Variants in NLGN4X observed in about 807,000 individuals in gnomAD.
NLGN4X encodes neuroligin-4, X-linked.
A neutral mutation model predicts 40.3 loss-of-function variants in NLGN4X; 3 were observed. That is an observed-to-expected ratio of 0.07 (90% CI 0.03 to 0.19). NLGN4X has a LOEUF of 0.19. Among genes scored for constraint, NLGN4X ranks in the 10% least tolerant of loss-of-function variants. The pLI is 1.00. For missense variants in NLGN4X, 382 were observed against 708.3 expected (o/e 0.54, Z 5.23); for synonymous variants, 270 against 306.8 (o/e 0.88, Z 1.25).
intron 1 of NLGN4X, among the ~76,000 whole-genome samples, chrX:6,198,533 T>A (rs1423153359): frequency 8.9e-6 from 1 of 111,809 alleles, no homozygotes; most frequent in Non-Finnish European, 1.9e-5. Flanking sequence ...ATCCTAAAGA[T>A]GAACGCCACC....
chrX:5,954,646 C>G (rs915645037), intron 3 of NLGN4X, among the ~76,000 whole-genome samples: 1 of 108,465 alleles, frequency 9.2e-6, no homozygotes, highest in African/African-American at 3.4e-5. Flanking sequence ...CTCTCTCTCT[C>G]TCTCTCTCTC....
At chrX:5,998,647 G>A (rs2035895392) in intron 3 of NLGN4X, among the ~76,000 whole-genome samples, 2 of 111,578 alleles carry the variant, frequency 1.8e-5, no homozygotes, top group African/African-American at 6.5e-5. Context: ...TACAACCAAG[G>A]CATAGTAGAT....
intron 2 of NLGN4X, among the ~76,000 whole-genome samples, chrX:6,082,954 TTC>T (rs1272686957): frequency 0.095 from 6,005 of 63,108 alleles, 763 homozygotes; most frequent in Non-Finnish European, 0.14. Flanking sequence ...ATGCGTTTTT[TTC>T]TTTTTTTTTT....
intron 2 of NLGN4X, among the ~76,000 whole-genome samples, chrX:6,093,748 A>C (rs2038694923): frequency 1.8e-5 from 2 of 111,846 alleles, no homozygotes; most frequent in Admixed American, 1.9e-4. Flanking sequence ...TAAAAAAGAA[A>C]CAAGCATATT....
In NLGN4X at chrX:6,201,084, G is replaced by A. The variant is rs182446918; in HGVS notation, c.-306+27457C>T. Among the ~76,000 whole-genome samples the A allele has an allele frequency of 9.0e-5, 10 of 111,390 alleles. No individual in the cohort carries two copies. In the East Asian group the frequency reaches 1.7e-3, roughly 19 times the overall value. On this transcript the variant is annotated intron_variant, in intron 1 of 5. Coordinates refer to ENST00000381095, the MANE Select transcript of NLGN4X (RefSeq NM_181332.3). ...AGCTGAGGAAACTGAGACACAAGACGTCAACTACTGAAATTCACACTCAAG... is the reference window on the plus strand; with the variant it reads ...AGCTGAGGAAACTGAGACACAAGACATCAACTACTGAAATTCACACTCAAG...
At chrX:6,090,732 C>G (rs1031235141) in intron 2 of NLGN4X, among the ~76,000 whole-genome samples, 8 of 111,291 alleles carry the variant, frequency 7.2e-5, no homozygotes, top group African/African-American at 2.6e-4. Flanking sequence ...TGGTTCACAA[C>G]CAGGGGTGGT....
intron 2 of NLGN4X, among the ~76,000 whole-genome samples, chrX:6,134,998 G>A (rs751175750): frequency 8.9e-6 from 1 of 112,842 alleles, no homozygotes; most frequent in Non-Finnish European, 1.9e-5. Flanking sequence ...ATGTTCACCA[G>A]ATCAGCTCCC....
intron 1 of NLGN4X, among the ~76,000 whole-genome samples, chrX:6,187,322 C>CAAA (rs74706267): frequency 1.5e-5 from 1 of 64,877 alleles, no homozygotes; most frequent in Admixed American, 1.9e-4. Context: ...ACTAAAAATA[C>CAAA]AAAAAAAAAA....
intron 2 of NLGN4X, among the ~76,000 whole-genome samples, chrX:6,081,802 C>T (rs895851835): frequency 8.9e-6 from 1 of 111,966 alleles, no homozygotes; most frequent in African/African-American, 3.2e-5. Context: ...ACAGTAAGCC[C>T]AAGAGGAATA....
intron 1 of NLGN4X, chrX:6,226,857 G>C (rs1448880368): frequency 3.3e-5 from 4 of 121,982 alleles, no homozygotes; most frequent in Admixed American, 1.8e-4. Flanking sequence ...GCAGCCGAGC[G>C]GCACCTACCT....
At chrX:6,197,024 C>T (rs2147846606) in intron 1 of NLGN4X, among the ~76,000 whole-genome samples, 1 of 111,936 alleles carries the variant, frequency 8.9e-6, no homozygotes, top group Non-Finnish European at 1.9e-5. Context: ...ATCACTATTT[C>T]ATGTTTCCCC....
chrX:6,207,222 A>G (rs1924117457), intron 1 of NLGN4X, among the ~76,000 whole-genome samples: 2 of 112,450 alleles, frequency 1.8e-5, no homozygotes, highest in Admixed American at 1.9e-4. Flanking sequence ...GTCAGAATAT[A>G]TTCTCTCTGC....
At chrX:6,125,302 G>A (rs2039516226) in intron 2 of NLGN4X, among the ~76,000 whole-genome samples, 1 of 112,033 alleles carries the variant, frequency 8.9e-6, no homozygotes. Context: ...GCAGAAATTA[G>A]CGAAACAGAG....
At chrX:6,185,849 G>A (rs180694853) in intron 1 of NLGN4X, among the ~76,000 whole-genome samples, 3,223 of 111,349 alleles carry the variant, frequency 0.029, 123 homozygotes, top group African/African-American at 0.098. Context: ...GACCACCAAT[G>A]AAAACCCACA....
At chrX:5,923,375 A>G (rs777690660) in intron 3 of NLGN4X, among the ~76,000 whole-genome samples, 4 of 112,678 alleles carry the variant, frequency 3.5e-5, no homozygotes, top group African/African-American at 1.3e-4. Context: ...TGCAAAGCTC[A>G]AGCGATCTGC....
At chrX:6,194,253 G>A (rs1922847919) in intron 1 of NLGN4X, among the ~76,000 whole-genome samples, 1 of 111,910 alleles carries the variant, frequency 8.9e-6, no homozygotes, top group Admixed American at 9.5e-5. Context: ...GGTATAAACC[G>A]CAATTATGTT....
chrX:6,021,778 T>C (rs989598476), intron 3 of NLGN4X, among the ~76,000 whole-genome samples: 8 of 110,475 alleles, frequency 7.2e-5, no homozygotes, highest in African/African-American at 2.6e-4. Flanking sequence ...TCTTGGTTTT[T>C]CTTTATCTGA....
chrX:6,111,986 T>C (rs369963278), intron 2 of NLGN4X, among the ~76,000 whole-genome samples: 1 of 111,934 alleles, frequency 8.9e-6, no homozygotes, highest in African/African-American at 3.3e-5. Flanking sequence ...CATGAACAAA[T>C]ACATTCATAA....
chrX:6,223,805 G>A (rs758984559), intron 1 of NLGN4X, among the ~76,000 whole-genome samples: 15 of 112,920 alleles, frequency 1.3e-4, no homozygotes, highest in South Asian at 7.1e-4. Flanking sequence ...TAGCTCAGGA[G>A]TTTAAGAAAT....
Sources: gnomAD v4.1 joint callset for allele counts (sites outside exome capture counted in the v4.1 genomes callset) on GRCh38, gnomAD v4.1.1 for gene constraint, MANE v1.5 for transcripts, NCBI Gene and HGNC (gene_info 2026-07-23, HGNC 2026-07-21) for gene names.